The following SNX13 variants were observed in gnomAD, a reference collection of about 807,000 sequenced individuals.
SNX13 encodes sorting nexin-13.
A neutral mutation model predicts 133.6 loss-of-function variants in SNX13; 45 were observed. The observed-to-expected ratio is 0.34, with a 90% CI of 0.27 to 0.43. The LOEUF is 0.43. SNX13 is among the 20% of genes least tolerant of loss of function. The pLI is 1.00. For missense variants in SNX13, 1,032 were observed against 1,145.1 expected (o/e 0.90, Z 1.43); for synonymous variants, 414 against 373.9 (o/e 1.11, Z -1.24).
intron 24 of SNX13, among the ~76,000 whole-genome samples, chr7:17,798,373 T>C (rs1002520342): frequency 6.6e-6 from 1 of 151,832 alleles, no homozygotes; most frequent in Non-Finnish European, 1.5e-5. Flanking sequence ...TCCCCAAAAC[T>C]AGATATTTGA....
intron 8 of SNX13, 25 bp from the exon 9 acceptor site, chr7:17,868,515 A>C (rs1793676744): frequency 1.4e-5 from 21 of 1,521,972 alleles, no homozygotes; most frequent in East Asian, 4.5e-5. Context: ...AATAACAAAA[A>C]CAAATTTAAT....
chr7:17,871,445 T>C (rs1186263156), intron 8 of SNX13, among the ~76,000 whole-genome samples: 1 of 152,150 alleles, frequency 6.6e-6, no homozygotes, highest in Admixed American at 6.5e-5. Context: ...CTCCTCTGAA[T>C]CCTCCACCCA....
intron 1 of SNX13, among the ~76,000 whole-genome samples, chr7:17,910,720 A>C (rs766596912): frequency 2.0e-4 from 31 of 152,240 alleles, no homozygotes; most frequent in Non-Finnish European, 3.5e-4. Flanking sequence ...AGCCATGAAA[A>C]GGAATAACGT....
At chr7:17,870,126 A>C (rs1793902508) in intron 8 of SNX13, among the ~76,000 whole-genome samples, 1 of 152,142 alleles carries the variant, frequency 6.6e-6, no homozygotes, top group African/African-American at 2.4e-5. Context: ...CATAATTCCT[A>C]CTTTAAGACC....
rs759161778 is a variant in SNX13 at position 17,803,621 on chromosome 7, C to T, written c.2065-41G>A. Reference sequence around the variant, plus strand: ...ATATTATACCATGACTTTATTGTACCAGAGTTGTTATCCAAATGACAAGCC... The same window carrying T: ...ATATTATACCATGACTTTATTGTACTAGAGTTGTTATCCAAATGACAAGCC... On this transcript the variant is annotated intron_variant, in intron 20 of 25. Coordinates refer to ENST00000428135, the MANE Select transcript of SNX13 (RefSeq NM_015132.5). 8 of 1,530,124 alleles carry T rather than the reference C, an allele frequency of 5.2e-6. No homozygotes were observed. In the African/African-American group the frequency reaches 9.6e-5, roughly 18 times the overall value. The allele number at this position is 1,530,124 out of a possible 1,614,324, so 94.8% of individuals were successfully genotyped here.
At chr7:17,842,759 C>A (rs1027578622) in intron 12 of SNX13, among the ~76,000 whole-genome samples, 1 of 151,898 alleles carries the variant, frequency 6.6e-6, no homozygotes, top group African/African-American at 2.4e-5. Flanking sequence ...TTTGAACACA[C>A]AATTTGTAAA....
chr7:17,825,021 G>C (rs188928772), intron 17 of SNX13, among the ~76,000 whole-genome samples: 242 of 152,214 alleles, frequency 1.6e-3, no homozygotes, highest in African/African-American at 5.5e-3. Flanking sequence ...GCCTGCCTCA[G>C]CCTCCCAAAA....
At chr7:17,805,257 G>GCGCGCGCA (rs1785141749) in intron 20 of SNX13, among the ~76,000 whole-genome samples, 1 of 146,906 alleles carries the variant, frequency 6.8e-6, no homozygotes, top group African/African-American at 2.6e-5. Context: ...GTGTGCGTGC[G>GCGCGCGCA]CGCGCGCGCA....
chr7:17,878,717 G>A (rs1247086726), intron 5 of SNX13, among the ~76,000 whole-genome samples: 1 of 152,064 alleles, frequency 6.6e-6, no homozygotes, highest in Admixed American at 6.6e-5. Flanking sequence ...ATTATTATTA[G>A]GACTAAGCAC....
intron 5 of SNX13, chr7:17,882,872 T>A (rs1562840558): frequency 1.0e-5 from 13 of 1,282,562 alleles, no homozygotes; most frequent in Non-Finnish European, 1.1e-5. Flanking sequence ...CAAAACAGGG[T>A]TCCAGGAAGC....
chr7:17,811,078 CT>C (rs1785951462), intron 20 of SNX13, among the ~76,000 whole-genome samples: 1 of 152,206 alleles, frequency 6.6e-6, no homozygotes, highest in East Asian at 1.9e-4. Context: ...GAAGCATTCC[CT>C]TTAAAAACCG....
chr7:17,901,684 G>A (rs1308913368), intron 1 of SNX13, among the ~76,000 whole-genome samples: 3 of 152,174 alleles, frequency 2.0e-5, no homozygotes, highest in Admixed American at 6.5e-5. Flanking sequence ...GCCAGGGGAT[G>A]AGGGAGGGGT....
rs375735480 is a variant in SNX13, at chr7:17,852,449, T to C, written c.838-1485A>G. 1.5e-4 allele frequency among the ~76,000 whole-genome samples: 23 copies of C among 152,190 alleles called. 1 individual carries two copies. In the South Asian group the frequency reaches 4.8e-3, roughly 32 times the overall value. On this transcript the variant is annotated intron_variant, in intron 9 of 25. Transcript: ENST00000428135. ...AGGATAAACTGTGTCAAGCATTTCA[T>C]ATAGATGTAAAACAAAAATAAGGAA...
chr7:17,801,678 C>A lies in SNX13; in HGVS notation c.2227-19G>T, dbSNP rs1467148109. On this transcript the variant is annotated intron_variant, in intron 21 of 25. Transcript: ENST00000428135. ...GAGGCACCTAAAAATAAAACCAAAT[C>A]CACAAAGTAAACACACTAAAGCAGA... The A allele has an allele frequency of 6.3e-7, 1 of 1,584,384 alleles. No homozygotes were observed.
chr7:17,899,693 T>G (rs1797604251), intron 1 of SNX13: 1 of 152,106 alleles, frequency 6.6e-6, no homozygotes, highest in Non-Finnish European at 1.5e-5. Flanking sequence ...CTGATAAGAT[T>G]CTGAATTCCT....
At chr7:17,837,176 C>A (rs116414832) in intron 13 of SNX13, among the ~76,000 whole-genome samples, 1 of 151,922 alleles carries the variant, frequency 6.6e-6, no homozygotes, top group African/African-American at 2.4e-5. Context: ...TGCTCTGTTA[C>A]CCAGGCTGGA....
At chr7:17,816,735 T>C (rs1583346174) in intron 18 of SNX13, among the ~76,000 whole-genome samples, 1 of 151,968 alleles carries the variant, frequency 6.6e-6, no homozygotes, top group Non-Finnish European at 1.5e-5. Flanking sequence ...TACATGAAAA[T>C]CAGAAAATAA....
chr7:17,823,702 A>G (rs1787559748), intron 17 of SNX13, among the ~76,000 whole-genome samples: 1 of 152,206 alleles, frequency 6.6e-6, no homozygotes, highest in Non-Finnish European at 1.5e-5. Flanking sequence ...AGACTTATGC[A>G]AATTAAACAG....
intron 11 of SNX13, 151 bp downstream of exon 11, chr7:17,850,196 T>C (rs1359121141): frequency 1.0e-5 from 4 of 392,042 alleles, no homozygotes; most frequent in African/African-American, 6.2e-5. Flanking sequence ...CAAATATTTA[T>C]ATCACATTGT....
Sources: allele counts gnomAD v4.1 joint callset (sites outside exome capture counted in the v4.1 genomes callset), GRCh38; gene constraint gnomAD v4.1.1; transcripts MANE v1.5; gene names NCBI Gene and HGNC (gene_info 2026-07-23, HGNC 2026-07-21).